The following XKR9 variants were observed in gnomAD, a reference collection of about 807,000 sequenced individuals.
XKR9 encodes the protein XK related 9.
A neutral mutation model predicts 32.0 loss-of-function variants in XKR9; 32 were observed. The ratio of observed to expected loss-of-function variants is 1.00; its 90% CI spans 0.76 to 1.34. The LOEUF is 1.34. Among genes scored for constraint, XKR9 ranks in the 40% most tolerant of loss-of-function variants. The pLI, the probability that XKR9 is intolerant of heterozygous loss-of-function variation, is 0.00. For synonymous variants in XKR9, 168 were observed against 143.4 expected, an observed-to-expected ratio of 1.17 and a Z score of -1.22; for missense variants, 546 against 429.7, an observed-to-expected ratio of 1.27 and a Z score of -2.39.
At chr8:70,901,754 G>T in the XKR9 span, among the ~76,000 whole-genome samples, 2 of 152,130 alleles carry the variant, frequency 1.3e-5, no homozygotes, top group African/African-American at 4.8e-5. Context: ...GTTCTGAATG[G>T]TATTGCCTAG....
chr8:70,902,839 G>A, the XKR9 span, among the ~76,000 whole-genome samples: 1 of 152,132 alleles, frequency 6.6e-6, no homozygotes, highest in African/African-American at 2.4e-5. Context: ...TTAGCATGAA[G>A]CGCTGTTGAA....
chr8:70,906,338 G>A, the XKR9 span, among the ~76,000 whole-genome samples: 6 of 152,188 alleles, frequency 3.9e-5, no homozygotes, highest in African/African-American at 1.2e-4. Context: ...TGAGTCTAAT[G>A]TTCAGAATAG....
the XKR9 span, among the ~76,000 whole-genome samples, chr8:71,020,514 A>T: frequency 1.3e-5 from 2 of 152,240 alleles, no homozygotes; most frequent in African/African-American, 4.8e-5. Flanking sequence ...ACATCATCAT[A>T]GTTTATTGTA....
At chr8:70,925,127 A>G in the XKR9 span, among the ~76,000 whole-genome samples, 3 of 152,152 alleles carry the variant, frequency 2.0e-5, no homozygotes, top group Non-Finnish European at 2.9e-5. Context: ...TCAATTTCCT[A>G]ATGTTCATAG....
At chr8:71,023,720 G>T in the XKR9 span, among the ~76,000 whole-genome samples, 3 of 152,178 alleles carry the variant, frequency 2.0e-5, no homozygotes, top group Non-Finnish European at 4.4e-5. Context: ...CAGGCTCCCA[G>T]GTGGCACTTG....
chr8:71,028,561 T>A, the XKR9 span, among the ~76,000 whole-genome samples: 4 of 152,170 alleles, frequency 2.6e-5, no homozygotes, highest in Admixed American at 2.0e-4. Flanking sequence ...GCTTTTGAGA[T>A]CTATTGCATA....
At chr8:71,034,664 C>T in the XKR9 span, among the ~76,000 whole-genome samples, 1 of 151,968 alleles carries the variant, frequency 6.6e-6, no homozygotes, top group Non-Finnish European at 1.5e-5. Flanking sequence ...CCTACCCACT[C>T]ATGTGAGTGG....
At chr8:70,712,802 C>G (rs922355689) in intron 4 of XKR9, among the ~76,000 whole-genome samples, 3 of 152,054 alleles carry the variant, frequency 2.0e-5, no homozygotes, top group African/African-American at 7.2e-5. Context: ...CTGATAGTAC[C>G]CCTACATGTC....
At chr8:70,810,491 C>A in the XKR9 span, among the ~76,000 whole-genome samples, 1 of 152,142 alleles carries the variant, frequency 6.6e-6, no homozygotes, top group Non-Finnish European at 1.5e-5. Context: ...AAGACACAGA[C>A]TGGCAAATTG....
At chr8:70,985,331 G>T in the XKR9 span, among the ~76,000 whole-genome samples, 1 of 152,298 alleles carries the variant, frequency 6.6e-6, no homozygotes, top group African/African-American at 2.4e-5. Flanking sequence ...CCCTGCAAAG[G>T]ACATGAACTC....
At chr8:70,984,046 T>C in the XKR9 span, among the ~76,000 whole-genome samples, 277 of 152,304 alleles carry the variant, frequency 1.8e-3, 3 homozygotes, top group Admixed American at 0.015. Context: ...TTAAATTATA[T>C]ATATGAAATT....
At chr8:70,829,574 G>T in the XKR9 span, among the ~76,000 whole-genome samples, 1 of 152,034 alleles carries the variant, frequency 6.6e-6, no homozygotes, top group Non-Finnish European at 1.5e-5. Context: ...TCAGCCTCCT[G>T]AGTAGCTGGG....
chr8:71,041,870 A>G, the XKR9 span, among the ~76,000 whole-genome samples: 1 of 152,200 alleles, frequency 6.6e-6, no homozygotes, highest in South Asian at 2.1e-4. Context: ...CTGTGAGTCA[A>G]TTAAACCTCT....
intron 2 of XKR9, among the ~76,000 whole-genome samples, chr8:70,743,771 C>T (rs1807020074): frequency 6.6e-6 from 1 of 152,060 alleles, no homozygotes; most frequent in Non-Finnish European, 1.5e-5. Flanking sequence ...GTTCTCTGGG[C>T]CTTAAAACCA....
the XKR9 span, among the ~76,000 whole-genome samples, chr8:71,033,816 A>G: frequency 6.6e-5 from 10 of 152,142 alleles, no homozygotes; most frequent in African/African-American, 1.9e-4. Flanking sequence ...CAGCTGCCCA[A>G]TTTTGAACTT....
intron 4 of XKR9, among the ~76,000 whole-genome samples, chr8:70,727,727 G>T (rs1229513090): frequency 6.6e-6 from 1 of 151,840 alleles, no homozygotes; most frequent in Non-Finnish European, 1.5e-5. Flanking sequence ...GGACAACTTA[G>T]TGGGTAGGGG....
the XKR9 span, among the ~76,000 whole-genome samples, chr8:70,857,637 C>T: frequency 6.6e-6 from 1 of 152,080 alleles, no homozygotes. Flanking sequence ...CATCCTGATA[C>T]CAAAGCCTGG....
the XKR9 span, among the ~76,000 whole-genome samples, chr8:70,994,750 T>G: frequency 1.4e-5 from 1 of 69,600 alleles, no homozygotes; most frequent in Non-Finnish European, 4.5e-5. Flanking sequence ...ATATTCTGTT[T>G]TTTTTTTTTT....
Position 70,734,469 on chromosome 8 carries a change from G to C in XKR9, c.*45G>C. On this transcript the variant is annotated 3_prime_UTR_variant, in exon 5 of 5. Transcript: ENST00000408926. ...TATTTTCTTATATTTTGTTTCATTGGTTAGTAAAGAAAATGTGTGTTATGT... is the reference window on the plus strand; with the variant it reads ...TATTTTCTTATATTTTGTTTCATTGCTTAGTAAAGAAAATGTGTGTTATGT... 3 of 1,447,606 alleles carry C rather than the reference G, an allele frequency of 2.1e-6. No homozygotes were observed. Among genetic ancestry groups the C allele is most frequent in the Non-Finnish European group, 1.8e-6 (2 of 1,110,470 alleles). The allele number at this position is 1,447,606 out of a possible 1,614,324, so 89.7% of individuals were successfully genotyped here.
Sources: gnomAD v4.1 joint callset for allele counts (sites outside exome capture counted in the v4.1 genomes callset) on GRCh38, gnomAD v4.1.1 for gene constraint, MANE v1.5 for transcripts, NCBI Gene and HGNC (gene_info 2026-07-23, HGNC 2026-07-21) for gene names.